The following SHISA6 variants were observed in gnomAD, a reference collection of about 807,000 sequenced individuals.
SHISA6 encodes protein shisa-6.
SHISA6 carries 22 observed loss-of-function variants against 47.9 expected under a neutral mutation model. The observed-to-expected ratio is 0.46, with a 90% CI of 0.33 to 0.66. The LOEUF (loss-of-function observed/expected upper bound fraction) is 0.66, where lower values mean the gene tolerates loss of function less well. Ranked by LOEUF, SHISA6 falls within the 30% of genes least tolerant of loss-of-function variation. SHISA6 has a pLI of 0.02. For synonymous variants in SHISA6, 388 were observed against 337.8 expected (o/e 1.15, Z -1.63); for missense variants, 680 against 764.6 (o/e 0.89, Z 1.30).
intron 3 of SHISA6, among the ~76,000 whole-genome samples, chr17:11,468,071 A>G (rs1031153445): frequency 3.3e-5 from 5 of 152,054 alleles, no homozygotes; most frequent in Non-Finnish European, 5.9e-5. Context: ...TCCTAATTCA[A>G]CAACTTCAGG....
At chr17:11,423,370 T>TAG (rs1914515822) in intron 3 of SHISA6, among the ~76,000 whole-genome samples, 1 of 141,894 alleles carries the variant, frequency 7.0e-6, no homozygotes, top group Non-Finnish European at 1.6e-5. Flanking sequence ...TAGATAGATA[T>TAG]ATGCATGCCT....
In SHISA6 at chr17:11,558,027, C is replaced by T. The variant is rs2071999662; in HGVS notation, c.1379C>T (p.Ser460Phe). Residue 460 changes from serine to phenylalanine, a missense_variant, in exon 6 of 6, where the codon TCC becomes TTC. Physicochemically the swap from Ser to Phe is radical, Grantham distance 155. Around this residue, in one of 2 missense-constraint regions of SHISA6, gnomAD observed 559 missense variants for 674.1 expected, o/e 0.83. Transcript: ENST00000441885. ...CTGCACTCCCAGGACCCGCTGCTGT[C>T]CCCGGAGCGGACGGCCTTTCCCGAG... ...ERLHSQDPLL[S>F]PERTAFPEQS... 1 of 1,551,630 alleles carries T rather than the reference C, an allele frequency of 6.4e-7. No homozygotes were observed. Among genetic ancestry groups the T allele is most frequent in the East Asian group, 2.4e-5 (1 of 40,906 alleles).
At chr17:11,420,357 G>T (rs1192549749) in intron 3 of SHISA6, among the ~76,000 whole-genome samples, 1 of 152,148 alleles carries the variant, frequency 6.6e-6, no homozygotes, top group Non-Finnish European at 1.5e-5. Flanking sequence ...ATTCCCACAT[G>T]GTTATGTGGA....
intron 3 of SHISA6, chr17:11,380,544 A>T (rs1912974665): frequency 6.6e-6 from 1 of 152,194 alleles, no homozygotes; most frequent in African/African-American, 2.4e-5. Context: ...CTTCACATTT[A>T]CTCACTAAAA....
chr17:11,538,273 A>G (rs2071804385), intron 3 of SHISA6, among the ~76,000 whole-genome samples: 1 of 152,186 alleles, frequency 6.6e-6, no homozygotes, highest in South Asian at 2.1e-4. Context: ...CATGTTGGCC[A>G]GGCTGGTCTC....
chr17:11,292,814 A>G (rs1370428985), intron 2 of SHISA6, among the ~76,000 whole-genome samples: 1 of 149,792 alleles, frequency 6.7e-6, no homozygotes, highest in African/African-American at 2.5e-5. Context: ...CAGGAGCCAC[A>G]ATCAGATTGA....
At chr17:11,472,158 A>T (rs1372222119) in intron 3 of SHISA6, among the ~76,000 whole-genome samples, 1 of 151,950 alleles carries the variant, frequency 6.6e-6, no homozygotes, top group Non-Finnish European at 1.5e-5. Context: ...TGTTTTCTGG[A>T]ATGTCATATA....
At chr17:11,413,987 T>G (rs1914209129) in intron 3 of SHISA6, among the ~76,000 whole-genome samples, 1 of 151,544 alleles carries the variant, frequency 6.6e-6, no homozygotes, top group African/African-American at 2.4e-5. Context: ...TTGGGGACTT[T>G]TATTCTTTCC....
chr17:11,476,827 G>A (rs1375577986), intron 3 of SHISA6, among the ~76,000 whole-genome samples: 1 of 152,086 alleles, frequency 6.6e-6, no homozygotes, highest in Non-Finnish European at 1.5e-5. Context: ...TTTTCTGCCT[G>A]TTGGATCTGT....
intron 3 of SHISA6, among the ~76,000 whole-genome samples, chr17:11,398,356 A>G (rs181141046): frequency 6.6e-6 from 1 of 151,990 alleles, no homozygotes; most frequent in South Asian, 2.1e-4. Context: ...GTGTCCTCTG[A>G]TTTTTTTGGT....
chr17:11,365,557 C>T (rs181891746), intron 2 of SHISA6, among the ~76,000 whole-genome samples: 39 of 152,252 alleles, frequency 2.6e-4, no homozygotes, highest in African/African-American at 7.7e-4. Context: ...GGATTACAGG[C>T]GTGAGCCACT....
chr17:11,412,708 A>AT (rs199613457), intron 3 of SHISA6, among the ~76,000 whole-genome samples: 1,738 of 152,100 alleles, frequency 0.011, 18 homozygotes, highest in African/African-American at 0.028. Context: ...TGCCGGGCTA[A>AT]TTTTTTGTAT....
chr17:11,384,442 T>C (rs1597486697), intron 3 of SHISA6, among the ~76,000 whole-genome samples: 2 of 152,252 alleles, frequency 1.3e-5, no homozygotes, highest in East Asian at 3.9e-4. Context: ...TTCAGATAGA[T>C]TTTCAGAATC....
chr17:11,473,676 G>GA (rs1207593353), intron 3 of SHISA6, among the ~76,000 whole-genome samples: 1 of 151,926 alleles, frequency 6.6e-6, no homozygotes, highest in Non-Finnish European at 1.5e-5. Context: ...TGGTGTTATG[G>GA]AAAAAACAGA....
chr17:11,373,977 A>G (rs1443612223), intron 2 of SHISA6, among the ~76,000 whole-genome samples: 11 of 152,214 alleles, frequency 7.2e-5, no homozygotes, highest in Non-Finnish European at 1.2e-4. Context: ...AGCCATTGCC[A>G]AAGTTCTTTT....
At chr17:11,337,105 G>A (rs12602611) in intron 2 of SHISA6, among the ~76,000 whole-genome samples, 29,234 of 152,070 alleles carry the variant, frequency 0.19, 3,022 homozygotes, top group Middle Eastern at 0.32. Context: ...AGAACCACAG[G>A]CAGTGTAGAA....
chr17:11,483,570 T>C (rs1289953124), intron 3 of SHISA6, among the ~76,000 whole-genome samples: 4 of 152,226 alleles, frequency 2.6e-5, no homozygotes, highest in Non-Finnish European at 5.9e-5. Flanking sequence ...TATAAAGCAG[T>C]GTTGCACAGA....
rs149007435 is a variant in SHISA6 at position 11,389,649 on chromosome 17, G to A, written c.895+10140G>A. Among the ~76,000 whole-genome samples, 735 of 152,318 alleles carry A rather than the reference G, an allele frequency of 4.8e-3. 2 individuals carry two copies. The highest frequency in any genetic ancestry group is 7.3e-3 in the Non-Finnish European group (494 of 68,020). On this transcript the variant is annotated intron_variant, in intron 3 of 5. Transcript: ENST00000441885. Reference sequence around the variant, plus strand: ...CAGAGGCTGGCTTGCTCAGCCAGAGGTCTAGCAGCTCTGGGCTGTTGCTCT... The same window carrying A: ...CAGAGGCTGGCTTGCTCAGCCAGAGATCTAGCAGCTCTGGGCTGTTGCTCT...
chr17:11,428,328 C>T (rs16944714), intron 3 of SHISA6, among the ~76,000 whole-genome samples: 1,579 of 152,226 alleles, frequency 0.01, 45 homozygotes, highest in Admixed American at 0.058. Flanking sequence ...TCTTTTATAA[C>T]GGCGAAGGCA....
Sources: gnomAD v4.1 joint callset for allele counts (sites outside exome capture counted in the v4.1 genomes callset) on GRCh38, gnomAD v4.1.1 for gene constraint, gnomAD v4.1.1 regional missense constraint, MANE v1.5 for transcripts, NCBI Gene and HGNC (gene_info 2026-07-23, HGNC 2026-07-21) for gene names.